ZNF84: variants seen among roughly 807,000 people sequenced by gnomAD.
ZNF84 encodes the protein zinc finger protein HPF2.
In ZNF84, 12 loss-of-function variants were observed where a neutral mutation model predicts 14.8. The ratio of observed to expected loss-of-function variants is 0.81; its 90% confidence interval spans 0.52 to 1.31. The LOEUF is 1.31. Ranked by LOEUF, ZNF84 falls within the 50% of genes most tolerant of loss-of-function variation. The pLI is 0.00. For missense variants in ZNF84, 859 were observed against 878.6 expected (o/e 0.98, Z 0.28); for synonymous variants, 347 against 291.1 (o/e 1.19, Z -1.96).
intron 2 of ZNF84, among the ~76,000 whole-genome samples, chr12:133,042,526 G>A (rs1953904372): frequency 6.6e-6 from 1 of 152,202 alleles, no homozygotes; most frequent in Non-Finnish European, 1.5e-5. Context: ...CCATAGGTAT[G>A]TATGTGTAGG....
chr12:133,055,981 G>A (rs1234706179), intron 4 of ZNF84, among the ~76,000 whole-genome samples: 1 of 152,160 alleles, frequency 6.6e-6, no homozygotes, highest in Non-Finnish European at 1.5e-5. Context: ...CATGCCTGTT[G>A]TCCCAACTAC....
At chr12:133,045,726 T>G (rs1045864086) in intron 2 of ZNF84, among the ~76,000 whole-genome samples, 2 of 152,316 alleles carry the variant, frequency 1.3e-5, no homozygotes, top group African/African-American at 4.8e-5. Flanking sequence ...ATTTATGATG[T>G]GTCTGGGTAT....
rs1953976790 is a variant in ZNF84 at position 133,046,347 on chromosome 12, G to GGTTTGTTTT, written c.16-1608_16-1607insGTTTGTTTT. On this transcript the variant is annotated intron_variant, in intron 2 of 4. Coordinates refer to ENST00000539354, the MANE Select transcript of ZNF84 (RefSeq NM_001289971.2). The stretch of plus-strand genomic sequence containing the variant: ...TTTTTGTATCTCTTCAGTCCTCACA[G>GGTTTGTTTT]TTTTTTTTTTTTTTTTTTTTTTTTT... Among the ~76,000 whole-genome samples, 2 of 116,406 alleles carry GGTTTGTTTT rather than the reference G, an allele frequency of 1.7e-5. 1 individual carries two copies. The allele number at this position is 116,406 out of a possible 152,430, so 76.4% of individuals were successfully genotyped here.
intron 2 of ZNF84, among the ~76,000 whole-genome samples, chr12:133,047,187 C>A (rs1446086335): frequency 6.6e-6 from 1 of 151,832 alleles, no homozygotes; most frequent in African/African-American, 2.4e-5. Flanking sequence ...GGTTTAAAGT[C>A]ACCTATTCCA....
chr12:133,056,199 T>C (rs1045146416), intron 4 of ZNF84, among the ~76,000 whole-genome samples: 3 of 152,220 alleles, frequency 2.0e-5, no homozygotes, highest in African/African-American at 4.8e-5. Flanking sequence ...TTTAAAAATA[T>C]TATCTTTTCC....
In ZNF84 at chr12:133,061,246, G is replaced by A. The variant is rs1459311196; in HGVS notation, c.*2314G>A. On this transcript the variant is annotated 3_prime_UTR_variant, in exon 5 of 5. Transcript: ENST00000539354. ...CTTTGGGAGGCTGAGGACCTCAAGTGGAGACCTCAAGTGGATCACTTGAGG... is the reference window on the plus strand; with the variant it reads ...CTTTGGGAGGCTGAGGACCTCAAGTAGAGACCTCAAGTGGATCACTTGAGG... 1 of 152,094 alleles carries A rather than the reference G, an allele frequency of 6.6e-6. No individual in the cohort carries two copies. The highest frequency in any genetic ancestry group is 1.5e-5 in the Non-Finnish European group (1 of 68,038). The allele number at this position is 152,094 out of a possible 1,614,324, so 9.4% of individuals were successfully genotyped here.
At position 133,062,952 on chromosome 12, in the gene ZNF84, T is replaced by A. The variant is rs2137447604; in HGVS notation, c.*4020T>A. 1 of 618,460 alleles carries A rather than the reference T, an allele frequency of 1.6e-6. No homozygotes were observed. Among genetic ancestry groups the A allele is most frequent in the East Asian group, 2.7e-5 (1 of 36,674 alleles). 38.3% of individuals were successfully genotyped at this position (618,460 alleles called of 1,614,324 possible). ...AATCTATATGAACCTGTACGTGTGT[T>A]TCTCACTGTGATAATATAATCATTG... On this transcript the variant is annotated 3_prime_UTR_variant, in exon 5 of 5. Coordinates refer to ENST00000539354, the MANE Select transcript of ZNF84 (RefSeq NM_001289971.2).
At chr12:133,050,875 C>T (rs1322027091) in intron 4 of ZNF84, among the ~76,000 whole-genome samples, 2 of 152,172 alleles carry the variant, frequency 1.3e-5, no homozygotes, top group Non-Finnish European at 2.9e-5. Context: ...TAAATGTCTT[C>T]ACTTTAGTTA....
Position 133,044,957 on chromosome 12 carries a change from A to T in ZNF84, c.16-2998A>T, listed in dbSNP as rs992917071. On this transcript the variant is annotated intron_variant, in intron 2 of 4. Transcript: ENST00000539354. ...GCTATCTCGTCTTAAGTTGTCAAGTATGTTGGCATAAGTTTGTAATATCTT... is the reference window on the plus strand; with the variant it reads ...GCTATCTCGTCTTAAGTTGTCAAGTTTGTTGGCATAAGTTTGTAATATCTT... Among the ~76,000 whole-genome samples, 23 of 152,156 alleles carry T rather than the reference A, an allele frequency of 1.5e-4. No homozygotes were observed. In the East Asian group the frequency reaches 4.1e-3, roughly 27 times the overall value.
At chr12:133,040,102 A>G (rs1953860179) in intron 1 of ZNF84, among the ~76,000 whole-genome samples, 1 of 152,006 alleles carries the variant, frequency 6.6e-6, no homozygotes. Flanking sequence ...TTGGCCTCCC[A>G]AAGTGCTGGA....
Position 133,061,808 on chromosome 12 carries a change from T to G in ZNF84, c.*2876T>G, listed in dbSNP as rs928405591. On this transcript the variant is annotated 3_prime_UTR_variant, in exon 5 of 5. Transcript: ENST00000539354. Reference sequence around the variant, plus strand: ...GGAGGATTGATGCTGACAGCAGAGGTCTAGTTAAAAACTGATGCAGAGGTT... The same window carrying G: ...GGAGGATTGATGCTGACAGCAGAGGGCTAGTTAAAAACTGATGCAGAGGTT... 5.3e-5 allele frequency: 8 copies of G among 152,294 alleles called. No homozygotes were observed. Among genetic ancestry groups the G allele is most frequent in the Non-Finnish European group, 1.0e-4 (7 of 68,032 alleles). 9.4% of individuals were successfully genotyped at this position (152,294 alleles called of 1,614,324 possible).
intron 1 of ZNF84, among the ~76,000 whole-genome samples, chr12:133,039,534 C>T (rs1194258157): frequency 1.3e-5 from 2 of 152,210 alleles, no homozygotes; most frequent in Non-Finnish European, 2.9e-5. Flanking sequence ...TCCCAGTTTT[C>T]TCTCTGTAAA....
chr12:133,054,997 GC>G (rs2137405877), intron 4 of ZNF84, among the ~76,000 whole-genome samples: 1 of 152,096 alleles, frequency 6.6e-6, no homozygotes, highest in East Asian at 1.9e-4. Context: ...TAGGGCATTT[GC>G]CTGCTTCATG....
rs2137442687 is a variant in ZNF84, at chr12:133,061,974, G to T, written c.*3042G>T. 1 of 152,198 alleles carries T rather than the reference G, an allele frequency of 6.6e-6. No individual in the cohort carries two copies. The highest frequency in any genetic ancestry group is 2.4e-5 in the African/African-American group (1 of 41,522). 9.4% of individuals were successfully genotyped at this position (152,198 alleles called of 1,614,324 possible). A position where few individuals can be genotyped will look rare whatever the true frequency, so the allele number is the denominator to read the frequency against. On this transcript the variant is annotated 3_prime_UTR_variant, in exon 5 of 5. Coordinates refer to ENST00000539354, the MANE Select transcript of ZNF84 (RefSeq NM_001289971.2). ...CTGTGTCTCTGCATTGCCCCTTATT[G>T]TTTCCTACCACAAATTCTACATCAA...
intron 2 of ZNF84, among the ~76,000 whole-genome samples, chr12:133,042,608 C>G (rs1953906016): frequency 6.6e-6 from 1 of 152,128 alleles, no homozygotes; most frequent in Non-Finnish European, 1.5e-5. Context: ...GGAACATCTC[C>G]TTTGTGGATA....
intron 1 of ZNF84, chr12:133,040,891 A>G (rs1426164662): frequency 1.3e-5 from 2 of 152,274 alleles, no homozygotes; most frequent in African/African-American, 2.4e-5. Flanking sequence ...TTAGGCTCAG[A>G]ATGGTGAAAT....
intron 4 of ZNF84, among the ~76,000 whole-genome samples, 165 bp from the exon 5 acceptor site, chr12:133,056,789 C>T (rs2137415831): frequency 6.6e-6 from 1 of 152,252 alleles, no homozygotes. Context: ...TTTAGCATTT[C>T]CTTGCAATAC....
chr12:133,058,645 A>C lies in ZNF84; in HGVS notation c.1930A>C (p.Asn644His). Residue 644 changes from asparagine to histidine, a missense_variant, in exon 5 of 5, where the codon AAT becomes CAT. By Grantham distance (68) the Asn-to-His change is moderately conservative (BLOSUM62 1). Coordinates refer to ENST00000539354, the MANE Select transcript of ZNF84 (RefSeq NM_001289971.2). ...KAFREKSSLI[N>H]HQRIHTGEKP... is the part of the protein sequence containing the mutation. ...CTTCAGGGAGAAGTCAAGTCTCATC[A>C]ATCATCAGAGAATACATACAGGAGA... The C allele has an allele frequency of 6.2e-7, 1 of 1,614,206 alleles. No individual in the cohort carries two copies. The highest frequency in any genetic ancestry group is 1.1e-5 in the South Asian group (1 of 91,086).
chr12:133,048,799 A>G lies in ZNF84; in HGVS notation c.189A>G (p.Gly63=), dbSNP rs1282841843. 3 of 1,613,722 alleles carry G rather than the reference A, an allele frequency of 1.9e-6. No individual in the cohort carries two copies. The highest frequency in any genetic ancestry group is 1.7e-6 in the Non-Finnish European group (2 of 1,179,910). The change falls in exon 4 of 5, where the codon GGA becomes GGG. Residue 63 remains glycine (G), a synonymous_variant. Coordinates refer to ENST00000539354, the MANE Select transcript of ZNF84 (RefSeq NM_001289971.2). ...KPDVIFKLEQ[G]EEPWVGDGEI... ...ATGTCATCTTCAAATTGGAGCAAGG[A>G]GAAGAGCCGTGGGTAGGAGATGGAG...
Sources: gnomAD v4.1 joint callset for allele counts (sites outside exome capture counted in the v4.1 genomes callset) on GRCh38, gnomAD v4.1.1 for gene constraint, MANE v1.5 for transcripts, NCBI Gene and HGNC (gene_info 2026-07-23, HGNC 2026-07-21) for gene names.